The following CDH13 variants were observed in gnomAD, a reference collection of about 807,000 sequenced individuals.
CDH13 encodes cadherin-13.
In CDH13, 24 loss-of-function variants were observed where a neutral mutation model predicts 63.8. The ratio of observed to expected loss-of-function variants is 0.38; its 90% CI spans 0.27 to 0.53. The LOEUF is 0.53. Among genes scored for constraint, CDH13 ranks in the 20% least tolerant of loss-of-function variants. The probability of loss-of-function intolerance (pLI) is 0.85; values close to 1 mark genes in which losing one functional copy is unlikely to be tolerated. For missense variants in CDH13, 1,049 were observed against 903.1 expected (o/e 1.16, Z -2.07); for synonymous variants, 503 against 355.3 (o/e 1.42, Z -4.67).
chr16:83,282,994 T>A (rs764264487), intron 5 of CDH13, among the ~76,000 whole-genome samples: 2 of 152,228 alleles, frequency 1.3e-5, no homozygotes, highest in Non-Finnish European at 2.9e-5. Context: ...TTAATTCTGT[T>A]CTTCACTCCT....
At chr16:83,132,085 G>A (rs2036079462) in intron 4 of CDH13, among the ~76,000 whole-genome samples, 1 of 152,176 alleles carries the variant, frequency 6.6e-6, no homozygotes, top group Admixed American at 6.5e-5. Flanking sequence ...TAGGTGCCAA[G>A]GAGTCTGATA....
chr16:82,921,525 T>C (rs1352639906), intron 2 of CDH13, among the ~76,000 whole-genome samples: 1 of 152,230 alleles, frequency 6.6e-6, no homozygotes, highest in East Asian at 1.9e-4. Context: ...AATATTTAAT[T>C]CAATCACATA....
At position 83,670,537 on chromosome 16, in the gene CDH13, C is replaced by T. The variant is rs1225694785; in HGVS notation, c.1102-253C>T. Among the ~76,000 whole-genome samples the T allele has an allele frequency of 3.3e-5, 5 of 152,194 alleles. No individual in the cohort carries two copies. The East Asian group carries it at 9.6e-4, about 29-fold the overall frequency. Reference sequence around the variant, plus strand: ...ACAGCTGTTCTTTTCACCCTCCCACCACAGAGCAGCACAGCACAGCCATGG... The same window carrying T: ...ACAGCTGTTCTTTTCACCCTCCCACTACAGAGCAGCACAGCACAGCCATGG... On this transcript the variant is annotated intron_variant, in intron 8 of 13. Coordinates refer to ENST00000567109, the MANE Select transcript of CDH13 (RefSeq NM_001257.5).
intron 4 of CDH13, among the ~76,000 whole-genome samples, chr16:83,186,923 T>C (rs1347003997): frequency 1.3e-5 from 2 of 152,194 alleles, no homozygotes; most frequent in East Asian, 3.9e-4. Context: ...GACGGAGATA[T>C]TTTAATGAAA....
At chr16:83,623,027 C>T (rs981925838) in intron 8 of CDH13, among the ~76,000 whole-genome samples, 15 of 152,176 alleles carry the variant, frequency 9.9e-5, no homozygotes, top group East Asian at 7.7e-4. Context: ...GAAATGGACC[C>T]GAAGTCTGGG....
chr16:82,858,494 A>T, intron 2 of CDH13, 21 bp downstream of exon 2: 4 of 1,390,098 alleles, frequency 2.9e-6, no homozygotes, highest in Non-Finnish European at 4.1e-6. Context: ...TCACTCAAAG[A>T]TGCTTTTAGA....
At chr16:83,347,287 G>T (rs893289850) in intron 6 of CDH13, among the ~76,000 whole-genome samples, 1 of 144,630 alleles carries the variant, frequency 6.9e-6, no homozygotes, top group African/African-American at 2.6e-5. Context: ...CTCATCTGTG[G>T]CTCATAGGAT....
intron 1 of CDH13, among the ~76,000 whole-genome samples, chr16:82,667,205 G>T (rs991491779): frequency 2.0e-5 from 3 of 152,238 alleles, no homozygotes; most frequent in Admixed American, 6.5e-5. Flanking sequence ...TTGGCCTTGA[G>T]TCACTGACTT....
chr16:83,581,936 G>T (rs1235898590), intron 7 of CDH13, among the ~76,000 whole-genome samples: 1 of 152,056 alleles, frequency 6.6e-6, no homozygotes, highest in Non-Finnish European at 1.5e-5. Flanking sequence ...CAATCATTCT[G>T]CTCATCCAGA....
chr16:83,372,224 G>A lies in CDH13; in HGVS notation c.781+27218G>A, dbSNP rs368018973. Among the ~76,000 whole-genome samples, 241 of 152,252 alleles carry A rather than the reference G, an allele frequency of 1.6e-3. 7 individuals carry two copies. The South Asian group carries it at 0.046, about 29-fold the overall frequency. ...AGGTGAGAACACTGAGTCTCAGGGA[G>A]GTGAAATATTTTACACAAGATTGCT... On this transcript the variant is annotated intron_variant, in intron 6 of 13. Coordinates refer to ENST00000567109, the MANE Select transcript of CDH13 (RefSeq NM_001257.5).
At chr16:83,144,373 C>T (rs185666888) in intron 4 of CDH13, among the ~76,000 whole-genome samples, 183 of 152,218 alleles carry the variant, frequency 1.2e-3, no homozygotes, top group African/African-American at 4.0e-3. Flanking sequence ...ATTAGCTTTG[C>T]CCAAGCAGAA....
chr16:83,232,840 C>G (rs919301154), intron 5 of CDH13, among the ~76,000 whole-genome samples: 12 of 152,166 alleles, frequency 7.9e-5, no homozygotes, highest in Non-Finnish European at 1.6e-4. Flanking sequence ...AGCTCCAGCC[C>G]TTTTATATCT....
chr16:82,964,742 A>G (rs1385434714), intron 2 of CDH13, among the ~76,000 whole-genome samples: 1 of 152,236 alleles, frequency 6.6e-6, no homozygotes, highest in Non-Finnish European at 1.5e-5. Context: ...GTAAAATATA[A>G]CCTACAGTTA....
intron 5 of CDH13, among the ~76,000 whole-genome samples, chr16:83,327,435 T>C (rs539451223): frequency 1.3e-3 from 204 of 152,142 alleles, no homozygotes; most frequent in Non-Finnish European, 2.2e-3. Context: ...TGATCTGTCC[T>C]CCAGAAAAAA....
intron 1 of CDH13, among the ~76,000 whole-genome samples, chr16:82,686,049 C>T (rs183590580): frequency 3.3e-5 from 5 of 152,240 alleles, no homozygotes; most frequent in African/African-American, 2.4e-5. Flanking sequence ...TTTTTTCTCC[C>T]AACTGCAAGT....
At chr16:83,374,546 C>T (rs1270586108) in intron 6 of CDH13, among the ~76,000 whole-genome samples, 3 of 152,172 alleles carry the variant, frequency 2.0e-5, no homozygotes, top group Admixed American at 2.0e-4. Context: ...CTGGGTTGTG[C>T]ATTGTACATT....
chr16:82,759,709 G>A (rs1043348580), intron 1 of CDH13, among the ~76,000 whole-genome samples: 15 of 151,952 alleles, frequency 9.9e-5, no homozygotes, highest in African/African-American at 3.4e-4. Context: ...TAATATAGCT[G>A]AATGCAGCAC....
chr16:83,567,200 A>G (rs1363568414), intron 7 of CDH13, among the ~76,000 whole-genome samples: 2 of 152,198 alleles, frequency 1.3e-5, no homozygotes, highest in African/African-American at 4.8e-5. Context: ...GTGCCCAGTC[A>G]TGGCTCTCAT....
At chr16:83,262,818 T>G (rs1907150097) in intron 5 of CDH13, among the ~76,000 whole-genome samples, 1 of 152,206 alleles carries the variant, frequency 6.6e-6, no homozygotes, top group Non-Finnish European at 1.5e-5. Context: ...GTTTCAATGG[T>G]TTTAAAAGCT....
Sources: allele counts gnomAD v4.1 joint callset (sites outside exome capture counted in the v4.1 genomes callset), GRCh38; gene constraint gnomAD v4.1.1; transcripts MANE v1.5; gene names NCBI Gene and HGNC (gene_info 2026-07-23, HGNC 2026-07-21).